Variants in LOXHD1 observed in about 807,000 individuals in gnomAD.
LOXHD1 encodes lipoxygenase homology PLAT domains 1, also known as lipoxygenase homology domain-containing protein 1.
A neutral mutation model predicts 248.2 loss-of-function variants in LOXHD1; 205 were observed. The observed-to-expected ratio is 0.83, with a 90% CI of 0.74 to 0.93. The LOEUF is 0.93. Ranked by LOEUF, LOXHD1 falls within the 40% of genes least tolerant of loss-of-function variation. The pLI is 0.00. For missense variants in LOXHD1, 2,930 were observed against 2,971.6 expected (o/e 0.99, Z 0.33); for synonymous variants, 1,113 against 1,162.8 (o/e 0.96, Z 0.87).
rs1424460932 is a variant in LOXHD1, at chr18:46,538,148, C to A, written c.4095+8G>T. On this transcript the variant is annotated splice_region_variant and intron_variant, in intron 26 of 40. Coordinates refer to ENST00000642948, the MANE Select transcript of LOXHD1 (RefSeq NM_001384474.1). The stretch of plus-strand genomic sequence containing the variant: ...TCCATCCCTGGACAGCCTGCTGAGC[C>A]CAAGTACCTCTACGATGAAGCGGGA... 2.6e-6 allele frequency: 4 copies of A among 1,528,010 alleles called. No homozygotes were observed. In the Admixed American group the frequency reaches 7.9e-5, roughly 30 times the overall value. 94.7% of individuals were successfully genotyped at this position (1,528,010 alleles called of 1,614,324 possible).
intron 29 of LOXHD1, among the ~76,000 whole-genome samples, chr18:46,525,791 T>C (rs1460743520): frequency 6.6e-6 from 1 of 152,142 alleles, no homozygotes; most frequent in African/African-American, 2.4e-5. Context: ...ATGTGAGTCA[T>C]TGTGCTGAGC....
intron 11 of LOXHD1, 23 bp downstream of exon 11, chr18:46,592,475 A>T: frequency 6.5e-7 from 1 of 1,538,992 alleles, no homozygotes; most frequent in Non-Finnish European, 8.8e-7. Context: ...CAACCTCCCA[A>T]ACCCCAAGAT....
At chr18:46,623,573 T>C (rs954366872) in intron 4 of LOXHD1, among the ~76,000 whole-genome samples, 2 of 152,230 alleles carry the variant, frequency 1.3e-5, no homozygotes, top group Non-Finnish European at 2.9e-5. Flanking sequence ...GCTCAGTGGA[T>C]GCACATGCCC....
intron 1 of LOXHD1, among the ~76,000 whole-genome samples, chr18:46,650,537 C>T (rs2039096240): frequency 6.6e-6 from 1 of 152,192 alleles, no homozygotes; most frequent in East Asian, 1.9e-4. Context: ...GTTATTTCTA[C>T]TTCCGGTCTT....
At chr18:46,490,065 A>G (rs1264107101) in intron 37 of LOXHD1, among the ~76,000 whole-genome samples, 1 of 152,236 alleles carries the variant, frequency 6.6e-6, no homozygotes, top group African/African-American at 2.4e-5. Flanking sequence ...TGGTGTAAAT[A>G]GCATGCATGT....
At chr18:46,608,035 G>GGAAGGAAGGAA (rs2038444221) in intron 6 of LOXHD1, among the ~76,000 whole-genome samples, 2 of 111,268 alleles carry the variant, frequency 1.8e-5, no homozygotes, top group African/African-American at 3.3e-5. Flanking sequence ...GAAGGAAGGA[G>GGAAGGAAGGAA]GGAAGGAAGG....
At chr18:46,576,380 C>A (rs1191571206) in intron 14 of LOXHD1, among the ~76,000 whole-genome samples, 1 of 152,062 alleles carries the variant, frequency 6.6e-6, no homozygotes, top group East Asian at 1.9e-4. Context: ...TCCACCCTCT[C>A]CCACCCCAGC....
At chr18:46,585,332 G>A (rs1391582013) in intron 12 of LOXHD1, among the ~76,000 whole-genome samples, 1 of 152,106 alleles carries the variant, frequency 6.6e-6, no homozygotes, top group Non-Finnish European at 1.5e-5. Context: ...TAGAATAAAT[G>A]ACTTCAGCAA....
In LOXHD1 at chr18:46,477,661, C is replaced by T. The variant is rs563628585; in HGVS notation, c.6633G>A (p.Leu2211=). 1 of 1,551,850 alleles carries T rather than the reference C, an allele frequency of 6.4e-7. No individual in the cohort carries two copies. The highest frequency in any genetic ancestry group is 2.0e-5 in the Admixed American group (1 of 51,016). Residue 2211 remains leucine, a synonymous_variant, in exon 41 of 41, where the codon CTG becomes CTA. Coordinates refer to ENST00000642948, the MANE Select transcript of LOXHD1 (RefSeq NM_001384474.1). ...GSTDRFFLET[L]ELGELRKVRL... ...GCACCTTGCGCAGCTCACCCAGCTC[C>T]AGCGTCTCCAGGAAGAAGCGGTCTG...
chr18:46,604,520 A>G (rs2038385280), intron 6 of LOXHD1, among the ~76,000 whole-genome samples: 1 of 152,208 alleles, frequency 6.6e-6, no homozygotes, highest in South Asian at 2.1e-4. Flanking sequence ...TGGCAGCATG[A>G]GCCTTGTGAG....
At chr18:46,486,890 T>C (rs2033095723) in intron 38 of LOXHD1, among the ~76,000 whole-genome samples, 1 of 152,198 alleles carries the variant, frequency 6.6e-6, no homozygotes, top group African/African-American at 2.4e-5. Context: ...GCTAGTCACA[T>C]CTGTGGTCTT....
In LOXHD1 at chr18:46,488,979, T is replaced by C; in HGVS notation, c.6042A>G (p.Glu2014=). Reference sequence around the variant, plus strand: ...ATGATCTCCCCCACATACTGGTCTCTTCCAGCTCATCACAGATCTTGTTGT... The same window carrying C: ...ATGATCTCCCCCACATACTGGTCTCCTCCAGCTCATCACAGATCTTGTTGT... The part of the protein sequence containing the change: ...CANNKICDEL[E]ETTYEIVIET... The change falls in exon 38 of 41, where the codon GAA becomes GAG. Residue 2014 remains glutamate (E), a synonymous_variant. Transcript: ENST00000642948. The C allele has an allele frequency of 6.4e-7, 1 of 1,551,596 alleles. No homozygotes were observed. Among genetic ancestry groups the C allele is most frequent in the Non-Finnish European group, 8.7e-7 (1 of 1,146,892 alleles).
At chr18:46,636,298 G>A (rs530015545) in intron 4 of LOXHD1, among the ~76,000 whole-genome samples, 2 of 152,186 alleles carry the variant, frequency 1.3e-5, no homozygotes, top group Non-Finnish European at 2.9e-5. Flanking sequence ...CATCTCCAGC[G>A]AATGTCAGGC....
chr18:46,559,694 G>C, intron 19 of LOXHD1, 92 bp from the exon 20 acceptor site: 1 of 1,349,402 alleles, frequency 7.4e-7, no homozygotes, highest in South Asian at 1.4e-5. Context: ...CCAGATCCTA[G>C]AACAGAGGGA....
intron 34 of LOXHD1, among the ~76,000 whole-genome samples, chr18:46,514,901 G>A (rs1009128935): frequency 6.6e-6 from 1 of 152,120 alleles, no homozygotes; most frequent in Non-Finnish European, 1.5e-5. Context: ...ACACCCACTG[G>A]ACACCAATCG....
intron 21 of LOXHD1, among the ~76,000 whole-genome samples, chr18:46,553,763 A>G (rs2037204662): frequency 6.6e-6 from 1 of 152,216 alleles, no homozygotes; most frequent in African/African-American, 2.4e-5. Flanking sequence ...GAGAAAAATA[A>G]ACAGACAAGA....
rs1023902108 is a variant in LOXHD1 at position 46,560,262 on chromosome 18, T to C, written c.2882A>G (p.Glu961Gly). ...CTCCTCCTCCTCTGACGAGGACTCCTCTGATGAGGACGACTCCTCTTCCTC... is the reference window on the plus strand; with the variant it reads ...CTCCTCCTCCTCTGACGAGGACTCCCCTGATGAGGACGACTCCTCTTCCTC... Reference protein sequence around the residue: ...EGEEEESSSSEESSSEEEEME... With the variant: ...EGEEEESSSSGESSSEEEEME... The change falls in exon 19 of 41, where the codon GAG (glutamate) becomes GGG (glycine). Residue 961 changes from glutamate (E) to glycine (G), a missense_variant. Glu to Gly is a moderately conservative substitution (Grantham distance 98, BLOSUM62 -2). Coordinates refer to ENST00000642948, the MANE Select transcript of LOXHD1 (RefSeq NM_001384474.1). 8.4e-6 allele frequency: 13 copies of C among 1,551,754 alleles called. No homozygotes were observed. The African/African-American group carries it at 9.6e-5, about 11-fold the overall frequency.
intron 34 of LOXHD1, among the ~76,000 whole-genome samples, chr18:46,511,542 G>A (rs1041689315): frequency 2.6e-5 from 4 of 152,208 alleles, no homozygotes; most frequent in African/African-American, 9.7e-5. Flanking sequence ...CTTAGGGAGG[G>A]CCCAGCAACC....
At chr18:46,538,866 C>T (rs980230072) in intron 25 of LOXHD1, among the ~76,000 whole-genome samples, 1 of 152,162 alleles carries the variant, frequency 6.6e-6, no homozygotes, top group Non-Finnish European at 1.5e-5. Context: ...CTCCCAGTCT[C>T]TCACTTGCTC....
Sources: allele counts gnomAD v4.1 joint callset (sites outside exome capture counted in the v4.1 genomes callset), GRCh38; gene constraint gnomAD v4.1.1; transcripts MANE v1.5; gene names NCBI Gene and HGNC (gene_info 2026-07-23, HGNC 2026-07-21).